The following MAML3 variants were observed in gnomAD, a reference collection of about 807,000 sequenced individuals.
MAML3 encodes the protein mastermind-like protein 3.
Under a neutral mutation model 101.9 loss-of-function variants are expected in MAML3, and 27 were observed. The observed-to-expected ratio is 0.27, with a 90% confidence interval of 0.20 to 0.37. MAML3 has a LOEUF of 0.37. Ranked by LOEUF, MAML3 falls within the 10% of genes least tolerant of loss-of-function variation. The pLI is 1.00. For missense variants in MAML3, 1,316 were observed against 1,444.9 expected (o/e 0.91, Z 1.45); for synonymous variants, 501 against 555.9 (o/e 0.90, Z 1.39).
Position 139,717,563 on chromosome 4 carries a change from C to G in MAML3, c.*1760G>C, listed in dbSNP as rs1728031639. The G allele has an allele frequency of 6.6e-6, 1 of 152,228 alleles. No homozygotes were observed. Among genetic ancestry groups the G allele is most frequent in the Non-Finnish European group, 1.5e-5 (1 of 68,088 alleles). The allele number at this position is 152,228 out of a possible 1,614,324, so 9.4% of individuals were successfully genotyped here. A position where few individuals can be genotyped will look rare whatever the true frequency, so the allele number is the denominator to read the frequency against. On this transcript the variant is annotated 3_prime_UTR_variant, in exon 5 of 5. Coordinates refer to ENST00000509479, the MANE Select transcript of MAML3 (RefSeq NM_018717.5). ...GCCCCTTCCTGAGCAGCTCTACAAC[C>G]CCGGGTACGCGGAGAGCAAGTCAAA...
intron 1 of MAML3, among the ~76,000 whole-genome samples, chr4:140,010,350 T>TAC (rs899751360): frequency 5.9e-5 from 9 of 152,168 alleles, no homozygotes; most frequent in Admixed American, 5.9e-4. Flanking sequence ...AGCACACCTA[T>TAC]ACACACACAC....
At chr4:140,152,813 C>A in intron 1 of MAML3, 47 bp downstream of exon 1, 1 of 1,579,448 alleles carries the variant, frequency 6.3e-7, no homozygotes, top group South Asian at 1.2e-5. Flanking sequence ...CCACCACCAC[C>A]ACCACCCCCA....
intron 2 of MAML3, among the ~76,000 whole-genome samples, chr4:139,847,787 A>T (rs1258302378): frequency 6.6e-6 from 1 of 152,218 alleles, no homozygotes; most frequent in African/African-American, 2.4e-5. Context: ...CTTGAAAAGG[A>T]AAGTTAATCT....
At chr4:139,916,713 A>G (rs1733035674) in intron 1 of MAML3, among the ~76,000 whole-genome samples, 1 of 152,216 alleles carries the variant, frequency 6.6e-6, no homozygotes, top group African/African-American at 2.4e-5. Flanking sequence ...CTTTATTAAT[A>G]GCTTTACGTT....
intron 2 of MAML3, among the ~76,000 whole-genome samples, chr4:139,866,468 A>C (rs1419076375): frequency 6.6e-6 from 1 of 152,168 alleles, no homozygotes; most frequent in Non-Finnish European, 1.5e-5. Context: ...CTTCAGACTC[A>C]GTCACCGACA....
chr4:140,143,245 C>A (rs1729004401), intron 1 of MAML3, among the ~76,000 whole-genome samples: 1 of 152,192 alleles, frequency 6.6e-6, no homozygotes. Context: ...GAACAGTGCC[C>A]AACGTGCAAC....
At chr4:140,058,616 G>A (rs1727393720) in intron 1 of MAML3, among the ~76,000 whole-genome samples, 2 of 81,968 alleles carry the variant, frequency 2.4e-5, no homozygotes, top group Middle Eastern at 6.6e-3. Context: ...CTTAGTATTT[G>A]TATCTTGCCT....
chr4:139,951,956 G>T (rs2110759344), intron 1 of MAML3, among the ~76,000 whole-genome samples: 1 of 152,216 alleles, frequency 6.6e-6, no homozygotes, highest in South Asian at 2.1e-4. Flanking sequence ...TTGAGGTCAG[G>T]AGTTTGAGAC....
chr4:140,133,092 A>G (rs766214139), intron 1 of MAML3: 3 of 448,518 alleles, frequency 6.7e-6, no homozygotes, highest in East Asian at 7.0e-5. Flanking sequence ...AGGAGCCACT[A>G]TGTGCTGTTA....
intron 2 of MAML3, among the ~76,000 whole-genome samples, chr4:139,763,402 T>C (rs1399507431): frequency 6.6e-6 from 1 of 152,128 alleles, no homozygotes; most frequent in East Asian, 1.9e-4. Context: ...GAGGGGGCCA[T>C]CTGTTTAAGC....
At chr4:140,104,801 A>G (rs953981376) in intron 1 of MAML3, among the ~76,000 whole-genome samples, 1 of 151,920 alleles carries the variant, frequency 6.6e-6, no homozygotes, top group Non-Finnish European at 1.5e-5. Context: ...CATAATATAT[A>G]CATTTTTTAA....
In MAML3 at chr4:139,837,695, G is replaced by A. The variant is rs533962131; in HGVS notation, c.2079+51662C>T. ...AGCACTGTGGGAGGCCGAGGCAGGC[G>A]GATCACCTGAGGTCAGGAGTTCAAG... On this transcript the variant is annotated intron_variant, in intron 2 of 4. Coordinates refer to ENST00000509479, the MANE Select transcript of MAML3 (RefSeq NM_018717.5). Among the ~76,000 whole-genome samples the A allele has an allele frequency of 1.1e-3, 169 of 152,234 alleles. 1 individual carries two copies. The highest frequency in any genetic ancestry group is 3.8e-3 in the African/African-American group (159 of 41,542).
At chr4:140,128,317 C>T (rs1236149950) in intron 1 of MAML3, among the ~76,000 whole-genome samples, 3 of 152,082 alleles carry the variant, frequency 2.0e-5, no homozygotes, top group African/African-American at 7.2e-5. Context: ...CACAGATGAG[C>T]GAAGATGAGG....
rs777728335 is a variant in MAML3 at position 139,719,281 on chromosome 4, AGCTTTAACCACTC to A, written c.*29_*41del. On this transcript the variant is annotated 3_prime_UTR_variant, in exon 5 of 5. Transcript: ENST00000509479. ...CATCCTGTTTCTTTTTCACTTTTTAAGCTTTAACCACTCGAGTTGTGGATCTTGGGGCCTCTCT... is the reference window on the plus strand; with the variant it reads ...CATCCTGTTTCTTTTTCACTTTTTAAGAGTTGTGGATCTTGGGGCCTCTCT... The A allele has an allele frequency of 1.4e-5, 21 of 1,517,910 alleles. No homozygotes were observed. The highest frequency in any genetic ancestry group is 1.9e-5 in the Non-Finnish European group (21 of 1,133,198). The allele number at this position is 1,517,910 out of a possible 1,614,324, so 94.0% of individuals were successfully genotyped here. A position where few individuals can be genotyped will look rare whatever the true frequency, so the allele number is the denominator to read the frequency against.
At position 140,122,220 on chromosome 4, in the gene MAML3, C is replaced by CTTTTTTTTTTTTTTTTTTTTT. The variant is rs369602172; in HGVS notation, c.468+30639_468+30640insAAAAAAAAAAAAAAAAAAAAA. On this transcript the variant is annotated intron_variant, in intron 1 of 4. Coordinates refer to ENST00000509479, the MANE Select transcript of MAML3 (RefSeq NM_018717.5). Reference sequence around the variant, plus strand: ...TTCTCACAGGAATAATCAAACGAGACTTTTTTTTTTTTTTTTTTTAAACAG... The same window carrying CTTTTTTTTTTTTTTTTTTTTT: ...TTCTCACAGGAATAATCAAACGAGACTTTTTTTTTTTTTTTTTTTTTTTTTTTTTTTTTTTTTTTTAAACAG... Among the ~76,000 whole-genome samples, 10 of 124,614 alleles carry CTTTTTTTTTTTTTTTTTTTTT rather than the reference C, an allele frequency of 8.0e-5. 5 individuals are homozygous for CTTTTTTTTTTTTTTTTTTTTT. Among genetic ancestry groups the CTTTTTTTTTTTTTTTTTTTTT allele is most frequent in the Non-Finnish European group, 6.5e-5 (4 of 61,320 alleles). 81.8% of individuals were successfully genotyped at this position (124,614 alleles called of 152,430 possible).
At chr4:139,730,865 G>A in intron 2 of MAML3, 198 bp from the exon 3 acceptor site, 1 of 599,442 alleles carries the variant, frequency 1.7e-6, no homozygotes, top group Non-Finnish European at 3.0e-6. Context: ...GAGGCCACAA[G>A]GGACAGTAAG....
chr4:140,081,009 T>C (rs943744052), intron 1 of MAML3, among the ~76,000 whole-genome samples: 4 of 152,214 alleles, frequency 2.6e-5, no homozygotes, highest in African/African-American at 9.6e-5. Context: ...AGGTGGGTTC[T>C]TCCCCCTAAC....
chr4:139,816,480 T>C (rs570324124), intron 2 of MAML3, among the ~76,000 whole-genome samples: 1 of 152,242 alleles, frequency 6.6e-6, no homozygotes, highest in East Asian at 1.9e-4. Flanking sequence ...TTGTTTTCTC[T>C]GGGGTATAAG....
At chr4:140,062,235 A>G (rs1727459438) in intron 1 of MAML3, among the ~76,000 whole-genome samples, 1 of 152,238 alleles carries the variant, frequency 6.6e-6, no homozygotes, top group Non-Finnish European at 1.5e-5. Context: ...CTTCTTAAGC[A>G]GAGAACATGA....
Sources: gnomAD v4.1 joint callset for allele counts (sites outside exome capture counted in the v4.1 genomes callset) on GRCh38, gnomAD v4.1.1 for gene constraint, MANE v1.5 for transcripts, NCBI Gene and HGNC (gene_info 2026-07-23, HGNC 2026-07-21) for gene names.